METTL24: variants seen among roughly 807,000 people sequenced by gnomAD.
The protein encoded by METTL24 is probable methyltransferase-like protein 24.
Under a neutral mutation model 32.7 loss-of-function variants are expected in METTL24, and 29 were observed. That is an observed-to-expected ratio of 0.89 (90% CI 0.66 to 1.21). The LOEUF (loss-of-function observed/expected upper bound fraction) is 1.21, where lower values mean the gene tolerates loss of function less well. Among genes scored for constraint, METTL24 ranks in the 50% most tolerant of loss-of-function variants. The probability of loss-of-function intolerance (pLI) is 0.00; values close to 1 mark genes in which losing one functional copy is unlikely to be tolerated. For synonymous variants in METTL24, 163 were observed against 179.5 expected (o/e 0.91, Z 0.73); for missense variants, 439 against 468.1 (o/e 0.94, Z 0.57).
At chr6:110,297,565 T>C (rs967631242) in intron 4 of METTL24, among the ~76,000 whole-genome samples, 4 of 152,190 alleles carry the variant, frequency 2.6e-5, no homozygotes, top group African/African-American at 9.7e-5. Context: ...ACTCTTTGAA[T>C]AATCTAAAGT....
chr6:110,313,311 C>A (rs530830453), intron 3 of METTL24, among the ~76,000 whole-genome samples: 90 of 152,292 alleles, frequency 5.9e-4, no homozygotes, highest in Admixed American at 9.8e-4. Context: ...ACTATGCATG[C>A]TACGCATGTA....
chr6:110,336,738 CAAAAAAA>C (rs57378153), intron 1 of METTL24, among the ~76,000 whole-genome samples: 1 of 131,408 alleles, frequency 7.6e-6, no homozygotes. Flanking sequence ...GACTCCGCCT[CAAAAAAA>C]AAAAAAAAAA....
At chr6:110,324,411 A>G (rs1321775439) in intron 1 of METTL24, among the ~76,000 whole-genome samples, 1 of 152,186 alleles carries the variant, frequency 6.6e-6, no homozygotes, top group Non-Finnish European at 1.5e-5. Context: ...ATGGGCATGC[A>G]ACCTGTGCAG....
chr6:110,287,350 T>C (rs1284959359), intron 4 of METTL24, among the ~76,000 whole-genome samples: 2 of 152,214 alleles, frequency 1.3e-5, no homozygotes, highest in Non-Finnish European at 2.9e-5. Flanking sequence ...GCATTTCAAA[T>C]TGCAATTCAG....
Position 110,298,972 on chromosome 6 carries a change from T to G in METTL24, c.736A>C (p.Ser246Arg). 1 of 1,614,204 alleles carries G rather than the reference T, an allele frequency of 6.2e-7. No individual in the cohort carries two copies. ...ATGCTTCCCAGTTTTCTGGTGTTGC[T>G]ATGTGGTTTTTGGGCAGCAACAGCT... is the stretch of plus-strand genomic sequence containing the variant. ...HPAVAAQKPH[S>R]NTRKLGSILN... The change falls in exon 4 of 5, where the codon AGC becomes CGC. Residue 246 changes from serine (S) to arginine (R), a missense_variant. By Grantham distance (110) the Ser-to-Arg change is moderately radical (BLOSUM62 -1). Coordinates refer to ENST00000338882, the MANE Select transcript of METTL24 (RefSeq NM_001123364.3).
In METTL24 at chr6:110,245,800, C is replaced by T. The variant is rs547653916; in HGVS notation, c.*146G>A. ...ACTGTGCCCCATCACATGCCAAGCACTAGGCTGCATGCCCGCAATAACACA... is the reference window on the plus strand; with the variant it reads ...ACTGTGCCCCATCACATGCCAAGCATTAGGCTGCATGCCCGCAATAACACA... On this transcript the variant is annotated 3_prime_UTR_variant, in exon 5 of 5. Coordinates refer to ENST00000338882, the MANE Select transcript of METTL24 (RefSeq NM_001123364.3). The T allele has an allele frequency of 1.4e-4, 107 of 744,294 alleles. No individual in the cohort carries two copies. Among genetic ancestry groups the T allele is most frequent in the Non-Finnish European group, 2.1e-4 (94 of 449,884 alleles). 46.1% of individuals were successfully genotyped at this position (744,294 alleles called of 1,614,324 possible). A position where few individuals can be genotyped will look rare whatever the true frequency, so the allele number is the denominator to read the frequency against.
chr6:110,308,916 A>G (rs1181414398), intron 3 of METTL24, among the ~76,000 whole-genome samples: 1 of 152,170 alleles, frequency 6.6e-6, no homozygotes, highest in African/African-American at 2.4e-5. Flanking sequence ...CACAAACAGA[A>G]AATAGAATAG....
intron 4 of METTL24, among the ~76,000 whole-genome samples, chr6:110,292,897 A>G (rs1301106787): frequency 6.6e-6 from 1 of 152,086 alleles, no homozygotes; most frequent in Non-Finnish European, 1.5e-5. Context: ...TTTATCATAT[A>G]TCAACTCTGG....
chr6:110,262,950 G>A (rs150176118), intron 4 of METTL24, among the ~76,000 whole-genome samples: 10,881 of 152,156 alleles, frequency 0.072, 577 homozygotes, highest in African/African-American at 0.16. Context: ...CAATAAATTA[G>A]GTATTGATGG....
intron 4 of METTL24, among the ~76,000 whole-genome samples, chr6:110,283,507 GGA>G (rs1771172344): frequency 6.6e-6 from 1 of 152,184 alleles, no homozygotes; most frequent in South Asian, 2.1e-4. Flanking sequence ...ATGGAACAAG[GGA>G]GAGAGGTCTA....
chr6:110,331,773 G>A (rs773717715), intron 1 of METTL24, among the ~76,000 whole-genome samples: 24 of 151,704 alleles, frequency 1.6e-4, no homozygotes, highest in Non-Finnish European at 2.4e-4. Context: ...AGGAAAACTC[G>A]AAGAATTCCA....
At chr6:110,290,910 T>A (rs1771307252) in intron 4 of METTL24, among the ~76,000 whole-genome samples, 1 of 152,226 alleles carries the variant, frequency 6.6e-6, no homozygotes, top group Non-Finnish European at 1.5e-5. Flanking sequence ...TTGGTAGTTA[T>A]GAAGTGATAT....
At chr6:110,250,737 T>C (rs1277213268) in intron 4 of METTL24, among the ~76,000 whole-genome samples, 2 of 152,230 alleles carry the variant, frequency 1.3e-5, no homozygotes, top group Non-Finnish European at 2.9e-5. Context: ...CTGACTGCTC[T>C]GACCTCGCCA....
chr6:110,345,181 C>G (rs7750080), intron 1 of METTL24, among the ~76,000 whole-genome samples: 124,778 of 152,188 alleles, frequency 0.82, 51,362 homozygotes, highest in African/African-American at 0.89. Flanking sequence ...AAAAAAATCT[C>G]AATATTACGG....
In METTL24 at chr6:110,358,146, G is replaced by T; in HGVS notation, c.127C>A (p.Arg43Ser). The T allele has an allele frequency of 1.1e-5, 13 of 1,169,382 alleles. No homozygotes were observed. Among genetic ancestry groups the T allele is most frequent in the Non-Finnish European group, 1.4e-5 (13 of 949,342 alleles). 72.4% of individuals were successfully genotyped at this position (1,169,382 alleles called of 1,614,324 possible). Residue 43 changes from arginine to serine, a missense_variant, in exon 1 of 5, where the codon CGC (arginine) becomes AGC (serine). Physicochemically the swap from Arg to Ser is moderately radical, Grantham distance 110. Transcript: ENST00000338882. The part of the protein sequence containing the change: ...LRRAGPGSPT[R>S]SAPPGPAWRP... ...CAGGCCGGGCCCGGCGGGGCGCTGC[G>T]GGTGGGGGACCCGGGCCCGGCGCGC...
intron 4 of METTL24, among the ~76,000 whole-genome samples, chr6:110,265,397 A>C (rs1770838083): frequency 6.6e-6 from 1 of 152,212 alleles, no homozygotes; most frequent in African/African-American, 2.4e-5. Flanking sequence ...AGGCAAATAT[A>C]GCATGGCAGG....
intron 1 of METTL24, among the ~76,000 whole-genome samples, chr6:110,336,466 C>T (rs547336003): frequency 7.2e-5 from 11 of 152,302 alleles, no homozygotes; most frequent in South Asian, 2.1e-4. Flanking sequence ...ATCAGCTGGG[C>T]GCGGTGGCTC....
Position 110,266,963 on chromosome 6 carries a change from G to GA in METTL24, c.787-20704dup, listed in dbSNP as rs199729422. Among the ~76,000 whole-genome samples, 13 of 149,962 alleles carry GA rather than the reference G, an allele frequency of 8.7e-5. No individual in the cohort carries two copies. In the East Asian group the frequency reaches 1.9e-3, roughly 22 times the overall value. Reference sequence around the variant, plus strand: ...GTTGAATGTGTCAAGTCTTTAACCTGAAAAAAAAAGCTGTAAGTTATAATT... The same window carrying GA: ...GTTGAATGTGTCAAGTCTTTAACCTGAAAAAAAAAAGCTGTAAGTTATAATT... On this transcript the variant is annotated intron_variant, in intron 4 of 4. Transcript: ENST00000338882.
At chr6:110,248,378 C>G (rs1045194920) in intron 4 of METTL24, among the ~76,000 whole-genome samples, 2 of 152,118 alleles carry the variant, frequency 1.3e-5, no homozygotes, top group Non-Finnish European at 2.9e-5. Flanking sequence ...TGTCCTGATG[C>G]CTGAGACTCT....
Sources: gnomAD v4.1 joint callset for allele counts (sites outside exome capture counted in the v4.1 genomes callset) on GRCh38, gnomAD v4.1.1 for gene constraint, MANE v1.5 for transcripts, NCBI Gene and HGNC (gene_info 2026-07-23, HGNC 2026-07-21) for gene names.